Variants in CAMSAP2 observed in about 807,000 individuals in gnomAD.
CAMSAP2 encodes calmodulin regulated spectrin associated protein family member 2.
A neutral mutation model predicts 146.1 loss-of-function variants in CAMSAP2; 26 were observed. The observed-to-expected ratio is 0.18, with a 90% CI of 0.13 to 0.25. CAMSAP2 has a LOEUF of 0.25. Among genes scored for constraint, CAMSAP2 ranks in the 10% least tolerant of loss-of-function variants. The pLI is 1.00. For synonymous variants in CAMSAP2, 499 were observed against 596.6 expected (o/e 0.84, Z 2.38); for missense variants, 1,381 against 1,759.3 (o/e 0.78, Z 3.85).
intron 2 of CAMSAP2, among the ~76,000 whole-genome samples, chr1:200,770,719 T>G (rs978834196): frequency 3.3e-5 from 5 of 152,166 alleles, no homozygotes; most frequent in African/African-American, 1.2e-4. Context: ...TGGCCTACTA[T>G]TTCTATAGTA....
intron 2 of CAMSAP2, among the ~76,000 whole-genome samples, chr1:200,806,808 T>G (rs1342151785): frequency 7.2e-6 from 1 of 139,812 alleles, no homozygotes; most frequent in Non-Finnish European, 1.6e-5. Context: ...TATCTATCTA[T>G]CTATCTATGC....
At chr1:200,831,092 T>C (rs1050652495) in intron 4 of CAMSAP2, among the ~76,000 whole-genome samples, 2 of 152,168 alleles carry the variant, frequency 1.3e-5, no homozygotes, top group South Asian at 2.1e-4. Context: ...AGATGACCAA[T>C]TTAGATGGAA....
chr1:200,822,968 A>G (rs144241262), intron 4 of CAMSAP2, among the ~76,000 whole-genome samples: 120 of 152,146 alleles, frequency 7.9e-4, no homozygotes, highest in African/African-American at 2.6e-3. Context: ...TAAGGGGGGG[A>G]CAGCTATATT....
At chr1:200,783,744 C>T (rs1665507168) in intron 2 of CAMSAP2, among the ~76,000 whole-genome samples, 2 of 152,190 alleles carry the variant, frequency 1.3e-5, no homozygotes, top group African/African-American at 2.4e-5. Flanking sequence ...CTGCCTTGGC[C>T]TCCCAAAGTG....
rs1167721005 is a variant in CAMSAP2, at chr1:200,847,687, G to C, written c.1240G>C (p.Gly414Arg). 2.5e-6 allele frequency: 4 copies of C among 1,612,440 alleles called. No homozygotes were observed. The highest frequency in any genetic ancestry group is 3.4e-6 in the Non-Finnish European group (4 of 1,178,962). The change falls in exon 10 of 17, where the codon GGG (glycine) becomes CGG (arginine). Residue 414 changes from glycine (G) to arginine (R), a missense_variant. Physicochemically the swap from Gly to Arg is moderately radical, Grantham distance 125 (BLOSUM62 -2). This residue lies in a region of CAMSAP2 where 447 missense variants were observed against 462.2 expected (regional missense o/e 0.97). Transcript: ENST00000358823. The stretch of plus-strand genomic sequence containing the variant: ...TATGTCTTATGTTGATGGCTTCATA[G>C]GGACATGGCCCAAAGAGAAAAGGTA... ...SSMSYVDGFI[G>R]TWPKEKRSSV...
rs984243986 is a variant in CAMSAP2, at chr1:200,848,198, A to G, written c.1429A>G (p.Ile477Val). ...HIRKNLSFKP[I>V]NGEEEAESIE... ...TAGGAAAAATTTGTCCTTCAAGCCA[A>G]TAAATGGAGAAGAGGAAGCAGAGAG... Residue 477 changes from isoleucine to valine, a missense_variant, in exon 11 of 17, where the codon ATA becomes GTA. Ile to Val is a conservative substitution (Grantham distance 29). Coordinates refer to ENST00000358823, the MANE Select transcript of CAMSAP2 (RefSeq NM_203459.4). The G allele has an allele frequency of 3.7e-6, 6 of 1,613,854 alleles. No homozygotes were observed. In the African/African-American group the frequency reaches 4.0e-5, roughly 11 times the overall value.
Position 200,848,109 on chromosome 1 carries a change from G to T in CAMSAP2, c.1340G>T (p.Gly447Val). ...DSVQRSTPNRGITRSISNEGL... is the reference protein window; with the variant it reads ...DSVQRSTPNRVITRSISNEGL... ...GTACAGAGATCCACTCCAAACCGAG[G>T]AATCACTCGTTCTATTAGTAATGAA... is the stretch of plus-strand genomic sequence containing the variant. Residue 447 changes from glycine (G) to valine (V), a missense_variant, in exon 11 of 17, where the codon GGA becomes GTA. By Grantham distance (109) the Gly-to-Val change is moderately radical. This residue lies in a region of CAMSAP2 where 447 missense variants were observed against 462.2 expected (regional missense o/e 0.97). Coordinates refer to ENST00000358823, the MANE Select transcript of CAMSAP2 (RefSeq NM_203459.4). 1 of 1,610,114 alleles carries T rather than the reference G, an allele frequency of 6.2e-7. No individual in the cohort carries two copies. The highest frequency in any genetic ancestry group is 1.1e-5 in the South Asian group (1 of 90,662).
chr1:200,852,591 G>A lies in CAMSAP2; in HGVS notation c.3516G>A (p.Leu1172=), dbSNP rs1321749340. ...NDMAMKRAAL[L]EKRLRREKET... Reference sequence around the variant, plus strand: ...TGGCAATGAAACGGGCAGCTTTGTTGGAGAAAAGATTAAGAAGGGAAAAGG... The same window carrying A: ...TGGCAATGAAACGGGCAGCTTTGTTAGAGAAAAGATTAAGAAGGGAAAAGG... Residue 1172 remains leucine, a synonymous_variant, in exon 12 of 17, where the codon TTG becomes TTA. Transcript: ENST00000358823. The A allele has an allele frequency of 3.7e-6, 6 of 1,613,808 alleles. No homozygotes were observed. In the Middle Eastern group the frequency reaches 6.6e-4, roughly 178 times the overall value.
At chr1:200,803,135 G>A (rs1571771582) in intron 2 of CAMSAP2, among the ~76,000 whole-genome samples, 1 of 152,162 alleles carries the variant, frequency 6.6e-6, no homozygotes, top group African/African-American at 2.4e-5. Flanking sequence ...CTCCTACAAG[G>A]TGCAGAGGTT....
At chr1:200,802,585 G>A (rs1380399597) in intron 2 of CAMSAP2, among the ~76,000 whole-genome samples, 1 of 152,138 alleles carries the variant, frequency 6.6e-6, no homozygotes, top group East Asian at 1.9e-4. Context: ...ATTGATTAAA[G>A]TATTTATTTC....
At chr1:200,786,476 C>T (rs1176433800) in intron 2 of CAMSAP2, among the ~76,000 whole-genome samples, 1 of 151,958 alleles carries the variant, frequency 6.6e-6, no homozygotes, top group African/African-American at 2.4e-5. Context: ...CTCCGCCTCC[C>T]GGGTTCAAGC....
rs1667057245 is a variant in CAMSAP2 at position 200,832,097 on chromosome 1, A to G, written c.646-103A>G. 8 of 918,892 alleles carry G rather than the reference A, an allele frequency of 8.7e-6. 1 individual carries two copies. Among genetic ancestry groups the G allele is most frequent in the Admixed American group, 6.3e-5 (2 of 31,992 alleles). 56.9% of individuals were successfully genotyped at this position (918,892 alleles called of 1,614,324 possible). ...ATATTGGTGAGTGGTCTCATTTCTC[A>G]TGATTTATTTTATTACTGGTACATT... On this transcript the variant is annotated intron_variant, in intron 4 of 16. Transcript: ENST00000358823. This position sits in a 1 kb window ranked among gnomAD's most constrained non-coding sequence, Gnocchi z 4.2.
rs533347145 is a variant in CAMSAP2, at chr1:200,800,642, TG to T, written c.400-6730del. On this transcript the variant is annotated intron_variant, in intron 2 of 16. Coordinates refer to ENST00000358823, the MANE Select transcript of CAMSAP2 (RefSeq NM_203459.4). ...AATTTGTCAATCTTTGTCTTTTAAC[TG>T]GGGCATTTAGCCCATTTACATTTAA... Among the ~76,000 whole-genome samples, 8 of 152,350 alleles carry T rather than the reference TG, an allele frequency of 5.3e-5. No homozygotes were observed. The East Asian group carries it at 1.5e-3, about 29-fold the overall frequency.
chr1:200,791,083 G>A (rs1963261), intron 2 of CAMSAP2, among the ~76,000 whole-genome samples: 25,725 of 152,092 alleles, frequency 0.17, 2,882 homozygotes, highest in East Asian at 0.35. Context: ...GACCTCAGGT[G>A]ATCCACCTGC....
At chr1:200,840,905 A>G (rs1278558282) in intron 6 of CAMSAP2, among the ~76,000 whole-genome samples, 1 of 152,212 alleles carries the variant, frequency 6.6e-6, no homozygotes, top group East Asian at 1.9e-4. Flanking sequence ...TAGTTTTTAA[A>G]AATTTACCGA....
chr1:200,840,881 GA>G (rs1346976794), intron 6 of CAMSAP2, among the ~76,000 whole-genome samples: 1 of 152,064 alleles, frequency 6.6e-6, no homozygotes, highest in African/African-American at 2.4e-5. Context: ...AAATAGTTAT[GA>G]AAACAGATTT....
At chr1:200,806,402 T>A (rs976608063) in intron 2 of CAMSAP2, among the ~76,000 whole-genome samples, 1 of 152,294 alleles carries the variant, frequency 6.6e-6, no homozygotes, top group Admixed American at 6.5e-5. Context: ...TACAGATTTT[T>A]AAAAGTGAAT....
At position 200,858,087 on chromosome 1, in the gene CAMSAP2, T is replaced by G; in HGVS notation, c.*28T>G. ...GTTGGGAAATACTTGCTTCAGAACA[T>G]TCATGGTAAATTTGCACTTCATCTT... On this transcript the variant is annotated 3_prime_UTR_variant, in exon 17 of 17. Coordinates refer to ENST00000358823, the MANE Select transcript of CAMSAP2 (RefSeq NM_203459.4). 2.0e-6 allele frequency: 3 copies of G among 1,519,556 alleles called. No homozygotes were observed. The highest frequency in any genetic ancestry group is 2.6e-6 in the Non-Finnish European group (3 of 1,136,276). The allele number at this position is 1,519,556 out of a possible 1,614,324, so 94.1% of individuals were successfully genotyped here.
At chr1:200,840,040 C>A (rs755903312) in intron 6 of CAMSAP2, among the ~76,000 whole-genome samples, 20 of 152,020 alleles carry the variant, frequency 1.3e-4, no homozygotes, top group Non-Finnish European at 2.2e-4. Flanking sequence ...TAAAAGCAAA[C>A]ATGAAGGTAA....
Sources: gnomAD v4.1 joint callset for allele counts (sites outside exome capture counted in the v4.1 genomes callset) on GRCh38, gnomAD v4.1.1 for gene constraint, gnomAD v4.1.1 regional missense constraint, Gnocchi (gnomAD v3.1) non-coding constraint, MANE v1.5 for transcripts, NCBI Gene and HGNC (gene_info 2026-07-23, HGNC 2026-07-21) for gene names.